Variants in ADAM22 observed in about 807,000 individuals in gnomAD.
ADAM22 encodes the protein disintegrin and metalloproteinase domain-containing protein 22.
Under a neutral mutation model 144.6 loss-of-function variants are expected in ADAM22, and 65 were observed. The observed-to-expected ratio is 0.45, with a 90% CI of 0.37 to 0.55. The LOEUF (loss-of-function observed/expected upper bound fraction) is 0.55, where lower values mean the gene tolerates loss of function less well. Among genes scored for constraint, ADAM22 ranks in the 20% least tolerant of loss-of-function variants. The pLI is 0.00. For synonymous variants in ADAM22, 391 were observed against 412.6 expected, an observed-to-expected ratio of 0.95 and a Z score of 0.63; for missense variants, 974 against 1,184.9, an observed-to-expected ratio of 0.82 and a Z score of 2.61.
chr7:88,078,106 C>A (rs186597327), intron 4 of ADAM22, among the ~76,000 whole-genome samples: 25 of 152,326 alleles, frequency 1.6e-4, no homozygotes, highest in African/African-American at 6.0e-4. Context: ...TAGGGTCAGA[C>A]TGATGGACTG....
chr7:87,955,752 G>GGCAT (rs773559837), intron 2 of ADAM22, among the ~76,000 whole-genome samples: 3 of 152,226 alleles, frequency 2.0e-5, no homozygotes, highest in Non-Finnish European at 4.4e-5. Context: ...GAGGCAGGCA[G>GGCAT]GCCTCCTTGA....
chr7:88,107,304 C>T (rs531290504), intron 4 of ADAM22, among the ~76,000 whole-genome samples: 3 of 147,406 alleles, frequency 2.0e-5, no homozygotes, highest in East Asian at 4.0e-4. Flanking sequence ...CTGGTTCAAG[C>T]GATTCTCCTG....
intron 3 of ADAM22, among the ~76,000 whole-genome samples, chr7:87,990,122 A>G (rs1322252302): frequency 6.6e-6 from 1 of 151,998 alleles, no homozygotes; most frequent in Non-Finnish European, 1.5e-5. Flanking sequence ...TACTCTATAT[A>G]CAGGTTTTGG....
intron 3 of ADAM22, among the ~76,000 whole-genome samples, chr7:87,994,894 C>T (rs898011778): frequency 2.0e-5 from 3 of 151,972 alleles, no homozygotes; most frequent in African/African-American, 7.3e-5. Context: ...GTGGCGCGAT[C>T]TCCGCTCACT....
chr7:87,940,632 A>G (rs1045690109), intron 2 of ADAM22, among the ~76,000 whole-genome samples: 40 of 152,242 alleles, frequency 2.6e-4, no homozygotes, highest in African/African-American at 9.6e-4. Context: ...GGATCAGCCC[A>G]CTACTGAAAG....
intron 3 of ADAM22, among the ~76,000 whole-genome samples, chr7:87,995,500 G>A (rs137878241): frequency 6.6e-6 from 1 of 152,236 alleles, no homozygotes; most frequent in East Asian, 1.9e-4. Flanking sequence ...TAATACCTGG[G>A]TCCCTTCCTA....
At chr7:88,061,755 G>A (rs1233406617) in intron 3 of ADAM22, among the ~76,000 whole-genome samples, 1 of 151,806 alleles carries the variant, frequency 6.6e-6, no homozygotes, top group Non-Finnish European at 1.5e-5. Flanking sequence ...TTCTCAGAAT[G>A]GTGAGTGAGT....
intron 2 of ADAM22, among the ~76,000 whole-genome samples, chr7:87,935,770 C>G (rs973396551): frequency 1.3e-5 from 2 of 152,184 alleles, no homozygotes; most frequent in Admixed American, 1.3e-4. Flanking sequence ...GGTAGCAGTT[C>G]TCTTGGTTTA....
chr7:87,979,431 C>T (rs963285880), intron 3 of ADAM22, among the ~76,000 whole-genome samples: 1 of 152,122 alleles, frequency 6.6e-6, no homozygotes, highest in Admixed American at 6.5e-5. Flanking sequence ...CCCTCTCTGC[C>T]TTCACTCCCT....
chr7:88,092,300 C>G (rs903434226), intron 4 of ADAM22, among the ~76,000 whole-genome samples: 1 of 152,134 alleles, frequency 6.6e-6, no homozygotes, highest in African/African-American at 2.4e-5. Context: ...CTCTTTTACC[C>G]TCCGTTCCAC....
Position 88,171,445 on chromosome 7 carries a change from G to T in ADAM22, c.2283-99G>T, listed in dbSNP as rs192872494. ...AATCCTCTAGTGAAGACTTTTCAAT[G>T]AAAGCTAGAGCTTTTATGTTTAGAG... On this transcript the variant is annotated intron_variant, in intron 25 of 31. Coordinates refer to ENST00000413139, the MANE Select transcript of ADAM22 (RefSeq NM_001324418.2). 4 of 1,106,018 alleles carry T rather than the reference G, an allele frequency of 3.6e-6. No homozygotes were observed. The East Asian group carries it at 8.1e-5, about 23-fold the overall frequency. The allele number at this position is 1,106,018 out of a possible 1,614,324, so 68.5% of individuals were successfully genotyped here.
chr7:88,171,632 C>A, intron 26 of ADAM22, 71 bp downstream of exon 26: 1 of 1,313,750 alleles, frequency 7.6e-7, no homozygotes, highest in Non-Finnish European at 1.0e-6. Context: ...GGAATTCATA[C>A]ATGCAATTAT....
intron 2 of ADAM22, among the ~76,000 whole-genome samples, chr7:87,949,566 G>C (rs1844525979): frequency 6.6e-6 from 1 of 152,140 alleles, no homozygotes; most frequent in Non-Finnish European, 1.5e-5. Context: ...TATGTCTTCT[G>C]AGAGAGTGAC....
At chr7:88,103,317 C>T (rs1317868890) in intron 4 of ADAM22, among the ~76,000 whole-genome samples, 1 of 151,996 alleles carries the variant, frequency 6.6e-6, no homozygotes, top group African/African-American at 2.4e-5. Flanking sequence ...ATCATCTTGT[C>T]ATATTTATAA....
Position 88,109,584 on chromosome 7 carries a change from G to A in ADAM22, c.473+1326G>A, listed in dbSNP as rs117442876. Among the ~76,000 whole-genome samples, 844 of 152,158 alleles carry A rather than the reference G, an allele frequency of 5.5e-3. 11 individuals carry two copies. The highest frequency in any genetic ancestry group is 0.037 in the East Asian group (193 of 5,178). On this transcript the variant is annotated intron_variant, in intron 5 of 31. Transcript: ENST00000413139. ...TTTTCATCTAACAAGCAGTTACTGG[G>A]TGTCTCCTGTGTGCCAGCCCTAGGA...
At chr7:88,167,462 T>A (rs1843214147) in intron 24 of ADAM22, among the ~76,000 whole-genome samples, 1 of 152,146 alleles carries the variant, frequency 6.6e-6, no homozygotes, top group Admixed American at 6.6e-5. Flanking sequence ...CCGCCCTGGA[T>A]TCTGCCTGCC....
intron 30 of ADAM22, among the ~76,000 whole-genome samples, chr7:88,189,421 T>A (rs997707557): frequency 6.6e-6 from 1 of 152,234 alleles, no homozygotes; most frequent in African/African-American, 2.4e-5. Flanking sequence ...GTGCCTATGA[T>A]ATACCTTTAT....
At chr7:88,088,929 T>C (rs1257284921) in intron 4 of ADAM22, among the ~76,000 whole-genome samples, 1 of 152,146 alleles carries the variant, frequency 6.6e-6, no homozygotes, top group African/African-American at 2.4e-5. Flanking sequence ...TAGGTTATAG[T>C]TTAGTGACTG....
intron 4 of ADAM22, among the ~76,000 whole-genome samples, chr7:88,084,851 A>G (rs1396520083): frequency 6.6e-6 from 1 of 152,206 alleles, no homozygotes; most frequent in Non-Finnish European, 1.5e-5. Flanking sequence ...CTCAATTCTG[A>G]AAGCTAGAAG....
Sources: gnomAD v4.1 joint callset for allele counts (sites outside exome capture counted in the v4.1 genomes callset) on GRCh38, gnomAD v4.1.1 for gene constraint, MANE v1.5 for transcripts, NCBI Gene and HGNC (gene_info 2026-07-23, HGNC 2026-07-21) for gene names.